PTGIS: variants seen among roughly 807,000 people sequenced by gnomAD.
PTGIS encodes the protein prostaglandin I2 synthase, also known as prostacyclin synthase.
PTGIS carries 45 observed loss-of-function variants against 50.3 expected under a neutral mutation model. The observed-to-expected ratio is 0.90, with a 90% CI of 0.70 to 1.15. The LOEUF (loss-of-function observed/expected upper bound fraction) is 1.15. Ranked by LOEUF, PTGIS falls within the 50% of genes most tolerant of loss-of-function variation. The pLI is 0.00. For synonymous variants in PTGIS, 260 were observed against 267.7 expected (o/e 0.97, Z 0.28); for missense variants, 668 against 661.3 (o/e 1.01, Z -0.11).
rs1386580473 is a variant in PTGIS at position 49,565,125 on chromosome 20, C to T, written c.74+2918G>A. Among the ~76,000 whole-genome samples, 5 of 144,976 alleles carry T rather than the reference C, an allele frequency of 3.4e-5. No individual in the cohort carries two copies. The South Asian group carries it at 1.2e-3, about 34-fold the overall frequency. The stretch of plus-strand genomic sequence containing the variant: ...AGCTGAGACTACAGGCGCCTGCCAC[C>T]ACGCCCGGCTAATTTTTTTTGTATT... On this transcript the variant is annotated intron_variant, in intron 1 of 9. Coordinates refer to ENST00000244043, the MANE Select transcript of PTGIS (RefSeq NM_000961.4).
chr20:49,507,138 G>A lies in PTGIS; in HGVS notation c.*782C>T, dbSNP rs1297979622. 2 of 154,604 alleles carry A rather than the reference G, an allele frequency of 1.3e-5. No individual in the cohort carries two copies. Among genetic ancestry groups the A allele is most frequent in the Admixed American group, 6.4e-5 (1 of 15,740 alleles). 9.6% of individuals were successfully genotyped at this position (154,604 alleles called of 1,614,324 possible). On this transcript the variant is annotated 3_prime_UTR_variant, in exon 10 of 10. Coordinates refer to ENST00000244043, the MANE Select transcript of PTGIS (RefSeq NM_000961.4). Reference sequence around the variant, plus strand: ...TTCTTTTTTGGCTTGATCAGTCTAAGGAGTCCTGGCTGGCTCCTTCCAGCC... The same window carrying A: ...TTCTTTTTTGGCTTGATCAGTCTAAAGAGTCCTGGCTGGCTCCTTCCAGCC...
At chr20:49,564,923 T>C (rs575954647) in intron 1 of PTGIS, among the ~76,000 whole-genome samples, 1 of 151,522 alleles carries the variant, frequency 6.6e-6, no homozygotes, top group African/African-American at 2.4e-5. Context: ...CCAAACTGGA[T>C]CACCATTCAG....
intron 3 of PTGIS, among the ~76,000 whole-genome samples, chr20:49,545,791 A>G (rs1417264009): frequency 6.6e-6 from 1 of 151,840 alleles, no homozygotes; most frequent in Non-Finnish European, 1.5e-5. Context: ...GGCAGCAACA[A>G]GAACAGTGGG....
In PTGIS at chr20:49,540,276, G is replaced by A. The variant is rs1982191385; in HGVS notation, c.522-555C>T. On this transcript the variant is annotated intron_variant, in intron 4 of 9. Transcript: ENST00000244043. The surrounding 1 kb of genome is among the most constrained non-coding windows in gnomAD (Gnocchi z 4.8). ...AAGGGGAGGAGATGCCTGCTCCCAG[G>A]GAGGGATTCAGGGAAGACTTCCTAG... 2.0e-5 allele frequency among the ~76,000 whole-genome samples: 3 copies of A among 152,180 alleles called. No homozygotes were observed. The South Asian group carries it at 6.2e-4, about 31-fold the overall frequency.
At chr20:49,564,089 G>C (rs1016636960) in intron 1 of PTGIS, among the ~76,000 whole-genome samples, 1 of 152,232 alleles carries the variant, frequency 6.6e-6, no homozygotes, top group Non-Finnish European at 1.5e-5. Context: ...CATGTTCACC[G>C]AATGGGGCTC....
chr20:49,559,926 CT>C (rs58437903), intron 1 of PTGIS, among the ~76,000 whole-genome samples: 20,627 of 142,466 alleles, frequency 0.14, 1,684 homozygotes, highest in African/African-American at 0.24. Context: ...GAATTATACA[CT>C]TTTTTTTTTT....
chr20:49,513,260 A>G lies in PTGIS; in HGVS notation c.1026T>C (p.Asp342=), dbSNP rs750541416. ...QKVLDSTPVL[D]SVLSESLRLT... Reference sequence around the variant, plus strand: ...GCCTGAGGCTCTCACTCAGCACGCTATCTGCATGGGGCAGGTGCAAGGAAG... The same window carrying G: ...GCCTGAGGCTCTCACTCAGCACGCTGTCTGCATGGGGCAGGTGCAAGGAAG... The change falls in exon 8 of 10, where the codon GAT becomes GAC. Residue 342 remains aspartate, a splice_region_variant and synonymous_variant. Coordinates refer to ENST00000244043, the MANE Select transcript of PTGIS (RefSeq NM_000961.4). 3 of 1,613,314 alleles carry G rather than the reference A, an allele frequency of 1.9e-6. No individual in the cohort carries two copies. In the East Asian group the frequency reaches 6.7e-5, roughly 36 times the overall value.
At chr20:49,524,018 A>C in intron 6 of PTGIS, 40 bp downstream of exon 6, 2 of 1,612,006 alleles carry the variant, frequency 1.2e-6, no homozygotes, top group Non-Finnish European at 1.7e-6. Flanking sequence ...GCAACCACAC[A>C]TGCACACCTG....
At position 49,513,256 on chromosome 20, in the gene PTGIS, C is replaced by A; in HGVS notation, c.1030G>T (p.Val344Leu). 1 of 1,613,402 alleles carries A rather than the reference C, an allele frequency of 6.2e-7. No individual in the cohort carries two copies. The change falls in exon 8 of 10, where the codon GTG becomes TTG. Residue 344 changes from valine (V) to leucine (L), a missense_variant. By Grantham distance (32) the Val-to-Leu change is conservative (BLOSUM62 1). Transcript: ENST00000244043. The part of the protein sequence containing the change: ...VLDSTPVLDS[V>L]LSESLRLTAA... ...GTAAGCCTGAGGCTCTCACTCAGCACGCTATCTGCATGGGGCAGGTGCAAG... is the reference window on the plus strand; with the variant it reads ...GTAAGCCTGAGGCTCTCACTCAGCAAGCTATCTGCATGGGGCAGGTGCAAG...
chr20:49,539,479 G>C, intron 5 of PTGIS, 91 bp downstream of exon 5: 1 of 1,426,098 alleles, frequency 7.0e-7, no homozygotes, highest in Non-Finnish European at 9.6e-7. Context: ...CTTTCTGCCT[G>C]TGTTGCCTCT....
chr20:49,536,478 C>CTTT (rs761478359), intron 5 of PTGIS, among the ~76,000 whole-genome samples: 154 of 108,628 alleles, frequency 1.4e-3, no homozygotes, highest in African/African-American at 3.6e-3. Flanking sequence ...TTCTTTCTTT[C>CTTT]TTTTTTTTTT....
chr20:49,536,646 AAT>A (rs1491283667), intron 5 of PTGIS, among the ~76,000 whole-genome samples: 2 of 151,376 alleles, frequency 1.3e-5, no homozygotes, highest in African/African-American at 4.9e-5. Context: ...ACGCCCAGCT[AAT>A]TTTTTTGTAT....
intron 1 of PTGIS, among the ~76,000 whole-genome samples, chr20:49,553,058 T>C (rs1568684556): frequency 6.6e-6 from 1 of 152,144 alleles, no homozygotes. Flanking sequence ...ATGACTTAAG[T>C]AAATCTTTAA....
intron 5 of PTGIS, among the ~76,000 whole-genome samples, chr20:49,537,116 C>T (rs1285268745): frequency 6.6e-6 from 1 of 152,234 alleles, no homozygotes; most frequent in Non-Finnish European, 1.5e-5. Flanking sequence ...CTTCTCAGGA[C>T]ACTTGTCAGA....
At chr20:49,545,482 G>T (rs1601197527) in intron 3 of PTGIS, among the ~76,000 whole-genome samples, 1 of 152,094 alleles carries the variant, frequency 6.6e-6, no homozygotes, top group East Asian at 1.9e-4. Context: ...CAAGGAAAAA[G>T]GGATGTGGGC....
intron 5 of PTGIS, among the ~76,000 whole-genome samples, chr20:49,531,975 G>A (rs1034567818): frequency 6.6e-6 from 1 of 152,100 alleles, no homozygotes; most frequent in African/African-American, 2.4e-5. Context: ...TGTTGTTCTG[G>A]GAAACAGAGT....
intron 1 of PTGIS, among the ~76,000 whole-genome samples, chr20:49,564,972 C>CT (rs397864477): frequency 0.022 from 2,973 of 136,084 alleles, 46 homozygotes; most frequent in Non-Finnish European, 0.032. Context: ...CTTGTTTGCC[C>CT]TTTTTTTTTT....
Position 49,507,962 on chromosome 20 carries a change from C to A in PTGIS, c.1461G>T (p.Gln487His). The change falls in exon 10 of 10, where the codon CAG becomes CAT. Residue 487 changes from glutamine (Q) to histidine (H), a missense_variant. By Grantham distance (24) the Gln-to-His change is conservative. Transcript: ENST00000244043. ...AGCGGACGGGCACGTCGTGTTCCGG[C>A]TGCATCAGACCGAAGCCGTACCTGC... is the stretch of plus-strand genomic sequence containing the variant. ...DLSRYGFGLMQPEHDVPVRYR... is the reference protein window; with the variant it reads ...DLSRYGFGLMHPEHDVPVRYR... 1 of 1,613,638 alleles carries A rather than the reference C, an allele frequency of 6.2e-7. No individual in the cohort carries two copies. Among genetic ancestry groups the A allele is most frequent in the Non-Finnish European group, 8.5e-7 (1 of 1,180,042 alleles).
Position 49,524,159 on chromosome 20 carries a change from G to A in PTGIS, c.754C>T (p.Arg252Trp), listed in dbSNP as rs145783271. 3.4e-4 allele frequency: 553 copies of A among 1,614,162 alleles called. 1 individual carries two copies. The African/African-American group carries it at 5.9e-3, about 17-fold the overall frequency. ...SPARLARRAHRSKWLESYLLH... is the reference protein window; with the variant it reads ...SPARLARRAHWSKWLESYLLH... ...AGGTAACTCTCCAGCCATTTGCTCC[G>A]GTGGGCCCGCCTGGCCAGCCTGGCT... Residue 252 changes from arginine to tryptophan, a missense_variant, in exon 6 of 10, where the codon CGG (arginine) becomes TGG (tryptophan). Transcript: ENST00000244043.
Sources: allele counts gnomAD v4.1 joint callset (sites outside exome capture counted in the v4.1 genomes callset), GRCh38; gene constraint gnomAD v4.1.1; non-coding constraint Gnocchi (gnomAD v3.1); transcripts MANE v1.5; gene names NCBI Gene and HGNC (gene_info 2026-07-23, HGNC 2026-07-21).